The following MYO5B variants were observed in gnomAD, a reference collection of about 807,000 sequenced individuals.
MYO5B encodes the protein unconventional myosin-Vb.
MYO5B carries 143 observed loss-of-function variants against 229.3 expected under a neutral mutation model. The observed-to-expected ratio is 0.62, with a 90% confidence interval of 0.54 to 0.72. MYO5B has a LOEUF of 0.72. Among genes scored for constraint, MYO5B ranks in the 30% least tolerant of loss-of-function variants. The pLI, the probability that MYO5B is intolerant of heterozygous loss-of-function variation, is 0.00. For missense variants in MYO5B, 2,321 were observed against 2,331.0 expected, an observed-to-expected ratio of 1.00 and a Z score of 0.09; for synonymous variants, 918 against 885.2, an observed-to-expected ratio of 1.04 and a Z score of -0.66.
At chr18:49,847,526 G>A (rs1032154466) in intron 32 of MYO5B, among the ~76,000 whole-genome samples, 3 of 152,212 alleles carry the variant, frequency 2.0e-5, no homozygotes, top group Middle Eastern at 3.2e-3. Context: ...TCAGCATCCA[G>A]CACTGGGGTC....
chr18:49,824,957 G>C lies in MYO5B; in HGVS notation c.*1514C>G, dbSNP rs2023823846. The C allele has an allele frequency of 6.6e-6, 1 of 152,260 alleles. No individual in the cohort carries two copies. The highest frequency in any genetic ancestry group is 1.5e-5 in the Non-Finnish European group (1 of 68,074). 9.4% of individuals were successfully genotyped at this position (152,260 alleles called of 1,614,324 possible). On this transcript the variant is annotated 3_prime_UTR_variant, in exon 40 of 40. Transcript: ENST00000285039. ...CAACTGAGGAAGCTGTGCTCTAAGG[G>C]CACAGTGCAGAAGGTAGCGTGGAGT...
At chr18:49,839,438 G>T in intron 35 of MYO5B, 144 bp from the exon 36 acceptor site, 2 of 895,856 alleles carry the variant, frequency 2.2e-6, no homozygotes, top group Non-Finnish European at 3.6e-6. Flanking sequence ...TTTTACAAAA[G>T]CCTGTCAGTT....
chr18:49,910,722 C>T (rs959000066), intron 18 of MYO5B, among the ~76,000 whole-genome samples: 31 of 152,110 alleles, frequency 2.0e-4, no homozygotes, highest in African/African-American at 4.3e-4. Flanking sequence ...AAGATGGCTG[C>T]GACACATTTA....
intron 1 of MYO5B, among the ~76,000 whole-genome samples, chr18:50,160,858 G>A (rs2032754869): frequency 6.6e-6 from 1 of 152,186 alleles, no homozygotes; most frequent in Non-Finnish European, 1.5e-5. Context: ...TGTGGAGACT[G>A]CATTCCTGTC....
rs1371311967 is a variant in MYO5B at position 50,169,399 on chromosome 18, C to G, written c.27+25368G>C. On this transcript the variant is annotated intron_variant, in intron 1 of 39. Coordinates refer to ENST00000285039, the MANE Select transcript of MYO5B (RefSeq NM_001080467.3). ...CCAGGTAACATGACAGGTAGAGAAA[C>G]CTGGCATACACCATCTTAAGCAAGT... 2.4e-5 allele frequency among the ~76,000 whole-genome samples: 3 copies of G among 127,446 alleles called. 1 individual carries two copies. In the Admixed American group the frequency reaches 2.5e-4, roughly 11 times the overall value. 83.6% of individuals were successfully genotyped at this position (127,446 alleles called of 152,430 possible). A position where few individuals can be genotyped will look rare whatever the true frequency, so the allele number is the denominator to read the frequency against.
chr18:49,849,928 C>A (rs993642169), intron 31 of MYO5B: 1 of 468,030 alleles, frequency 2.1e-6, no homozygotes, highest in African/African-American at 2.0e-5. Flanking sequence ...TGCTGAATCC[C>A]AAGCCTCCCC....
intron 7 of MYO5B, among the ~76,000 whole-genome samples, chr18:49,988,487 A>G (rs1424257490): frequency 1.3e-5 from 2 of 152,224 alleles, no homozygotes; most frequent in Non-Finnish European, 2.9e-5. Flanking sequence ...GACAGGGAAT[A>G]AGGGGAAATC....
chr18:49,943,397 T>C (rs1488535041), intron 14 of MYO5B, among the ~76,000 whole-genome samples: 1 of 152,162 alleles, frequency 6.6e-6, no homozygotes, highest in Non-Finnish European at 1.5e-5. Context: ...ATGCATGGCA[T>C]TTCAAAGTCA....
intron 9 of MYO5B, among the ~76,000 whole-genome samples, chr18:49,975,782 C>T (rs565477225): frequency 2.0e-5 from 3 of 152,234 alleles, no homozygotes; most frequent in African/African-American, 7.2e-5. Context: ...ACCAGGCCCC[C>T]GCCCCACCCC....
chr18:49,969,077 C>A (rs1413958177), intron 10 of MYO5B, among the ~76,000 whole-genome samples: 3 of 152,196 alleles, frequency 2.0e-5, no homozygotes, highest in African/African-American at 7.2e-5. Flanking sequence ...TTCCGATGAT[C>A]TGCAAGGTTT....
intron 4 of MYO5B, among the ~76,000 whole-genome samples, chr18:50,012,628 C>CAAA (rs1321375342): frequency 1.3e-5 from 2 of 152,216 alleles, no homozygotes; most frequent in Non-Finnish European, 2.9e-5. Context: ...AGGCCCAATG[C>CAAA]AAAGGCCATC....
At chr18:49,865,928 C>T (rs1221264710) in intron 27 of MYO5B, among the ~76,000 whole-genome samples, 3 of 152,176 alleles carry the variant, frequency 2.0e-5, no homozygotes, top group Non-Finnish European at 4.4e-5. Flanking sequence ...TGGTCCCCCA[C>T]ACATAACCTC....
At chr18:49,879,472 G>C (rs1239975709) in intron 23 of MYO5B, 5 of 296,892 alleles carry the variant, frequency 1.7e-5, no homozygotes, top group Non-Finnish European at 1.3e-5. Context: ...TCTTAGGAGT[G>C]CAGGGAGATT....
chr18:49,857,924 GGA>G (rs1319594106), intron 29 of MYO5B, among the ~76,000 whole-genome samples: 4 of 152,212 alleles, frequency 2.6e-5, no homozygotes, highest in African/African-American at 9.6e-5. Context: ...CTCTGTTCCT[GGA>G]GTACTCCTCC....
intron 6 of MYO5B, 89 bp downstream of exon 6, chr18:49,992,197 TTC>T (rs1395663572): frequency 2.6e-6 from 4 of 1,532,838 alleles, no homozygotes; most frequent in South Asian, 1.1e-5. Flanking sequence ...ACAAGAGAGA[TTC>T]TCTTTGGGTC....
rs1358356507 is a variant in MYO5B, at chr18:49,936,318, G to T, written c.1937C>A (p.Thr646Asn). 1 of 1,602,850 alleles carries T rather than the reference G, an allele frequency of 6.2e-7. No individual in the cohort carries two copies. The highest frequency in any genetic ancestry group is 1.1e-5 in the South Asian group (1 of 88,960). Reference protein sequence around the residue: ...FRTSLHLLMETLNATTPHYVR... With the variant: ...FRTSLHLLMENLNATTPHYVR... ...ATAGTGAGGTGTCGTGGCATTCAGG[G>T]TCTCCATGAGCAGATGCAGGGAGGT... Residue 646 changes from threonine (T) to asparagine (N), a missense_variant, in exon 16 of 40, where the codon ACC becomes AAC. By Grantham distance (65) the Thr-to-Asn change is moderately conservative (BLOSUM62 0). This residue lies in a region of MYO5B where 2,113 missense variants were observed against 2,044.7 expected (regional missense o/e 1.03). Coordinates refer to ENST00000285039, the MANE Select transcript of MYO5B (RefSeq NM_001080467.3).
intron 2 of MYO5B, among the ~76,000 whole-genome samples, chr18:50,050,900 T>C (rs2030373255): frequency 1.3e-5 from 2 of 152,230 alleles, no homozygotes; most frequent in South Asian, 4.1e-4. Flanking sequence ...ATTTTCCAAT[T>C]AGGCCAAGCA....
At chr18:50,192,210 T>A (rs964965564) in intron 1 of MYO5B, among the ~76,000 whole-genome samples, 6 of 152,208 alleles carry the variant, frequency 3.9e-5, no homozygotes, top group Non-Finnish European at 1.5e-5. Context: ...TTGAGCAAAG[T>A]TCGCACTTGA....
intron 14 of MYO5B, among the ~76,000 whole-genome samples, chr18:49,951,456 C>T (rs1568044193): frequency 6.6e-6 from 1 of 152,016 alleles, no homozygotes; most frequent in Non-Finnish European, 1.5e-5. Context: ...CTACATGTGT[C>T]GGTTACCACT....
Sources: gnomAD v4.1 joint callset for allele counts (sites outside exome capture counted in the v4.1 genomes callset) on GRCh38, gnomAD v4.1.1 for gene constraint, gnomAD v4.1.1 regional missense constraint, MANE v1.5 for transcripts, NCBI Gene and HGNC (gene_info 2026-07-23, HGNC 2026-07-21) for gene names.